ZC2HC1B: variants seen among roughly 807,000 people sequenced by gnomAD.
ZC2HC1B encodes the protein zinc finger C2HC-type containing 1B.
A neutral mutation model predicts 31.0 loss-of-function variants in ZC2HC1B; 36 were observed. That is an observed-to-expected ratio of 1.16 (90% CI 0.89 to 1.54). ZC2HC1B has a LOEUF of 1.54. ZC2HC1B is among the 40% of genes most tolerant of loss of function. The pLI is 0.00. For missense variants in ZC2HC1B, 260 were observed against 268.6 expected, an observed-to-expected ratio of 0.97 and a Z score of 0.22; for synonymous variants, 73 against 88.0, an observed-to-expected ratio of 0.83 and a Z score of 0.95.
rs1777526626 is a variant in ZC2HC1B, at chr6:143,885,969, A to C, written c.91-63A>C. 1.4e-6 allele frequency: 2 copies of C among 1,453,462 alleles called. No homozygotes were observed. The highest frequency in any genetic ancestry group is 2.9e-5 in the African/African-American group (2 of 69,508). 90.0% of individuals were successfully genotyped at this position (1,453,462 alleles called of 1,614,324 possible). On this transcript the variant is annotated intron_variant, in intron 2 of 7. Coordinates refer to ENST00000237275, the MANE Select transcript of ZC2HC1B (RefSeq NM_001013623.3). This position sits in a 1 kb window ranked among gnomAD's most constrained non-coding sequence, Gnocchi z 4.2. ...CCTGGAGTGGGGGCTGTCTAGGTAC[A>C]CCTAGGCATTAAAAACTGATTGTGC...
chr6:143,866,679 T>TA (rs149971004), intron 1 of ZC2HC1B, among the ~76,000 whole-genome samples: 2 of 152,360 alleles, frequency 1.3e-5, no homozygotes, highest in East Asian at 3.9e-4. Flanking sequence ...ACTTTACTGT[T>TA]ACATTTTCAA....
chr6:143,920,076 C>T (rs930867664), intron 6 of ZC2HC1B, among the ~76,000 whole-genome samples: 4 of 151,926 alleles, frequency 2.6e-5, no homozygotes, highest in African/African-American at 7.3e-5. Flanking sequence ...AAGTACAATG[C>T]TTAGTGTCCT....
At position 143,871,372 on chromosome 6, in the gene ZC2HC1B, G is replaced by T. The variant is rs1043905182; in HGVS notation, c.28+6805G>T. Among the ~76,000 whole-genome samples the T allele has an allele frequency of 2.6e-5, 4 of 152,202 alleles. No individual in the cohort carries two copies. The highest frequency in any genetic ancestry group is 5.9e-5 in the Non-Finnish European group (4 of 68,042). ...ATACCTCTGAGGTAGAACAGTAAAG[G>T]TATATTGCTGGCCTTGCCAGCTGAA... On this transcript the variant is annotated intron_variant, in intron 1 of 7. Transcript: ENST00000237275. This position sits in a 1 kb window ranked among gnomAD's most constrained non-coding sequence, Gnocchi z 4.1.
intron 6 of ZC2HC1B, among the ~76,000 whole-genome samples, chr6:143,907,287 G>C (rs1777807067): frequency 6.6e-6 from 1 of 152,110 alleles, no homozygotes; most frequent in South Asian, 2.1e-4. Context: ...ATTCCTTTGG[G>C]TATATACCCA....
At position 143,886,838 on chromosome 6, in the gene ZC2HC1B, G is replaced by C; in HGVS notation, c.349+17G>C. ...TGAACCCAGGTGTGTAGACATTTTG[G>C]GTTGCTTTTGAGGCTATGCTTGACT... On this transcript the variant is annotated intron_variant, in intron 4 of 7. Transcript: ENST00000237275. The surrounding 1 kb of genome is among the most constrained non-coding windows in gnomAD (Gnocchi z 4.2). 1.3e-6 allele frequency: 2 copies of C among 1,492,876 alleles called. No homozygotes were observed. Among genetic ancestry groups the C allele is most frequent in the Non-Finnish European group, 1.8e-6 (2 of 1,120,728 alleles). The allele number at this position is 1,492,876 out of a possible 1,614,324, so 92.5% of individuals were successfully genotyped here.
chr6:143,900,111 T>A (rs1777718609), intron 5 of ZC2HC1B, among the ~76,000 whole-genome samples: 1 of 151,974 alleles, frequency 6.6e-6, no homozygotes, highest in Non-Finnish European at 1.5e-5. Context: ...TACAGGGTGC[T>A]GGGTGTGGTG....
intron 4 of ZC2HC1B, among the ~76,000 whole-genome samples, chr6:143,894,911 T>C (rs905250247): frequency 2.0e-5 from 3 of 152,210 alleles, no homozygotes; most frequent in African/African-American, 7.2e-5. Context: ...GGGATTATTG[T>C]TTCTCTAAAA....
At chr6:143,927,953 G>A (rs1011611114) in intron 6 of ZC2HC1B, among the ~76,000 whole-genome samples, 1 of 151,994 alleles carries the variant, frequency 6.6e-6, no homozygotes, top group Non-Finnish European at 1.5e-5. Flanking sequence ...AAATGTCTAT[G>A]TTCTTTGCTC....
Position 143,923,464 on chromosome 6 carries a change from C to G in ZC2HC1B, c.599-14185C>G, listed in dbSNP as rs964437532. On this transcript the variant is annotated intron_variant, in intron 6 of 7. Transcript: ENST00000237275. The surrounding 1 kb of genome is among the most constrained non-coding windows in gnomAD (Gnocchi z 4.8). Reference sequence around the variant, plus strand: ...TAGAAGCTTTTTAGTTTATATAGTCCCATTTGTTTATTTTATTTTTGTTGC... The same window carrying G: ...TAGAAGCTTTTTAGTTTATATAGTCGCATTTGTTTATTTTATTTTTGTTGC... Among the ~76,000 whole-genome samples the G allele has an allele frequency of 2.1e-4, 32 of 151,922 alleles. No homozygotes were observed. Among genetic ancestry groups the G allele is most frequent in the Admixed American group, 2.0e-3 (31 of 15,252 alleles).
chr6:143,925,231 A>G lies in ZC2HC1B; in HGVS notation c.599-12418A>G, dbSNP rs536763241. 7.7e-5 allele frequency among the ~76,000 whole-genome samples: 10 copies of G among 129,250 alleles called. 1 individual carries two copies. In the South Asian group the frequency reaches 2.5e-3, roughly 32 times the overall value. The allele number at this position is 129,250 out of a possible 152,430, so 84.8% of individuals were successfully genotyped here. On this transcript the variant is annotated intron_variant, in intron 6 of 7. Transcript: ENST00000237275. ...CACTCTGTCGCCCAGGCTGGAGTGC[A>G]GTGGTGCGATCTCCCCTCACTGCAA...
In ZC2HC1B at chr6:143,913,696, G is replaced by A. The variant is rs931061968; in HGVS notation, c.598+10544G>A. 1.3e-5 allele frequency among the ~76,000 whole-genome samples: 2 copies of A among 152,142 alleles called. No individual in the cohort carries two copies. The highest frequency in any genetic ancestry group is 4.8e-5 in the African/African-American group (2 of 41,420). ...GCTCTGGTGGCATAGGCTCACAAGGGGATCTCCTGATCCACAGGTTGCAAA... is the reference window on the plus strand; with the variant it reads ...GCTCTGGTGGCATAGGCTCACAAGGAGATCTCCTGATCCACAGGTTGCAAA... On this transcript the variant is annotated intron_variant, in intron 6 of 7. Transcript: ENST00000237275. This position sits in a 1 kb window ranked among gnomAD's most constrained non-coding sequence, Gnocchi z 5.7.
intron 6 of ZC2HC1B, among the ~76,000 whole-genome samples, chr6:143,926,071 CT>C (rs1389869083): frequency 1.3e-5 from 2 of 152,086 alleles, no homozygotes; most frequent in African/African-American, 4.8e-5. Flanking sequence ...AAAAAACTAA[CT>C]TTTCATTCCA....
Position 143,886,539 on chromosome 6 carries a change from A to T in ZC2HC1B, c.211-144A>T, listed in dbSNP as rs1582956787. On this transcript the variant is annotated intron_variant, in intron 3 of 7. Transcript: ENST00000237275. This position sits in a 1 kb window ranked among gnomAD's most constrained non-coding sequence, Gnocchi z 4.2. ...ATTACTGTACTTTCCAAACCTCTTTAAGGAGTACTTTTGAAAAACAAACTC... is the reference window on the plus strand; with the variant it reads ...ATTACTGTACTTTCCAAACCTCTTTTAGGAGTACTTTTGAAAAACAAACTC... 2.5e-6 allele frequency: 2 copies of T among 798,156 alleles called. No individual in the cohort carries two copies. Among genetic ancestry groups the T allele is most frequent in the Non-Finnish European group, 3.5e-6 (2 of 566,778 alleles). 49.4% of individuals were successfully genotyped at this position (798,156 alleles called of 1,614,324 possible). A position where few individuals can be genotyped will look rare whatever the true frequency, so the allele number is the denominator to read the frequency against.
Position 143,884,462 on chromosome 6 carries a change from G to T in ZC2HC1B, c.90+97G>T, listed in dbSNP as rs988223453. ...CAGTGCAAAGATTAAAGACAGATGT[G>T]GAGGGGAAGCAAGGGAAGAGGAAAA... On this transcript the variant is annotated intron_variant, in intron 2 of 7. Coordinates refer to ENST00000237275, the MANE Select transcript of ZC2HC1B (RefSeq NM_001013623.3). The surrounding 1 kb of genome is among the most constrained non-coding windows in gnomAD (Gnocchi z 5.1). 3.0e-5 allele frequency: 35 copies of T among 1,183,420 alleles called. No individual in the cohort carries two copies. Among genetic ancestry groups the T allele is most frequent in the East Asian group, 1.9e-4 (7 of 37,106 alleles). 73.3% of individuals were successfully genotyped at this position (1,183,420 alleles called of 1,614,324 possible). A position where few individuals can be genotyped will look rare whatever the true frequency, so the allele number is the denominator to read the frequency against.
chr6:143,871,090 A>T lies in ZC2HC1B; in HGVS notation c.28+6523A>T, dbSNP rs1321761665. 6.6e-6 allele frequency among the ~76,000 whole-genome samples: 1 copy of T among 152,172 alleles called. No homozygotes were observed. Among genetic ancestry groups the T allele is most frequent in the Non-Finnish European group, 1.5e-5 (1 of 68,038 alleles). ...GCAACTTATCCTTCATCTTAGAAGGAATATCTCAACAGGACCCATACCACT... is the reference window on the plus strand; with the variant it reads ...GCAACTTATCCTTCATCTTAGAAGGTATATCTCAACAGGACCCATACCACT... On this transcript the variant is annotated intron_variant, in intron 1 of 7. Transcript: ENST00000237275. The surrounding 1 kb of genome is among the most constrained non-coding windows in gnomAD (Gnocchi z 4.1).
chr6:143,885,967 A>G lies in ZC2HC1B; in HGVS notation c.91-65A>G. 7.0e-7 allele frequency: 1 copy of G among 1,431,478 alleles called. No individual in the cohort carries two copies. The highest frequency in any genetic ancestry group is 1.4e-5 in the African/African-American group (1 of 69,012). The allele number at this position is 1,431,478 out of a possible 1,614,324, so 88.7% of individuals were successfully genotyped here. A position where few individuals can be genotyped will look rare whatever the true frequency, so the allele number is the denominator to read the frequency against. ...TCCCTGGAGTGGGGGCTGTCTAGGT[A>G]CACCTAGGCATTAAAAACTGATTGT... On this transcript the variant is annotated intron_variant, in intron 2 of 7. Coordinates refer to ENST00000237275, the MANE Select transcript of ZC2HC1B (RefSeq NM_001013623.3). The surrounding 1 kb of genome is among the most constrained non-coding windows in gnomAD (Gnocchi z 4.2).
intron 6 of ZC2HC1B, among the ~76,000 whole-genome samples, chr6:143,931,308 A>C (rs1290657928): frequency 6.6e-6 from 1 of 152,048 alleles, no homozygotes; most frequent in Non-Finnish European, 1.5e-5. Context: ...TACATTCAGC[A>C]TTATTTTTGA....
At chr6:143,906,895 G>A (rs1777800990) in intron 6 of ZC2HC1B, among the ~76,000 whole-genome samples, 1 of 151,992 alleles carries the variant, frequency 6.6e-6, no homozygotes, top group Admixed American at 6.6e-5. Context: ...ATTAAGCTGA[G>A]CATCCATGAG....
chr6:143,936,924 CTCTT>C (rs1778185606), intron 6 of ZC2HC1B, among the ~76,000 whole-genome samples: 1 of 152,222 alleles, frequency 6.6e-6, no homozygotes, highest in Non-Finnish European at 1.5e-5. Context: ...ACACTGAAAG[CTCTT>C]TCTATTCCTA....
Sources: gnomAD v4.1 joint callset for allele counts (sites outside exome capture counted in the v4.1 genomes callset) on GRCh38, gnomAD v4.1.1 for gene constraint, Gnocchi (gnomAD v3.1) non-coding constraint, MANE v1.5 for transcripts, NCBI Gene and HGNC (gene_info 2026-07-23, HGNC 2026-07-21) for gene names.